GSAP: variants seen among roughly 807,000 people sequenced by gnomAD.
GSAP encodes the protein gamma-secretase activating protein, also known as gamma-secretase-activating protein.
A neutral mutation model predicts 131.7 loss-of-function variants in GSAP; 118 were observed. The ratio of observed to expected loss-of-function variants is 0.90; its 90% CI spans 0.77 to 1.04. The LOEUF (loss-of-function observed/expected upper bound fraction) is 1.04. Ranked by LOEUF, GSAP falls within the 50% of genes least tolerant of loss-of-function variation. GSAP has a pLI of 0.00. For missense variants in GSAP, 1,019 were observed against 1,013.2 expected, an observed-to-expected ratio of 1.01 and a Z score of -0.08; for synonymous variants, 381 against 363.4, an observed-to-expected ratio of 1.05 and a Z score of -0.55.
At chr7:77,357,926 G>C (rs1793994552) in intron 14 of GSAP, among the ~76,000 whole-genome samples, 2 of 152,158 alleles carry the variant, frequency 1.3e-5, no homozygotes, top group Admixed American at 1.3e-4. Context: ...AACTAATACA[G>C]GATATGCTAA....
chr7:77,334,209 G>A (rs934318703), intron 19 of GSAP, among the ~76,000 whole-genome samples: 6 of 152,158 alleles, frequency 3.9e-5, no homozygotes, highest in African/African-American at 1.4e-4. Flanking sequence ...TCAAGAAAAT[G>A]TGGTACATAT....
At chr7:77,390,381 T>A (rs1008014730) in intron 5 of GSAP, among the ~76,000 whole-genome samples, 1 of 152,146 alleles carries the variant, frequency 6.6e-6, no homozygotes, top group African/African-American at 2.4e-5. Flanking sequence ...CTGAATGGTA[T>A]TGCCTAGGTT....
intron 3 of GSAP, among the ~76,000 whole-genome samples, chr7:77,401,126 A>G (rs1034891794): frequency 2.6e-5 from 4 of 152,124 alleles, no homozygotes; most frequent in Non-Finnish European, 5.9e-5. Context: ...TCTTGTAATC[A>G]GAGTCCATAA....
At chr7:77,352,812 T>G (rs879040626) in intron 18 of GSAP, 132 bp downstream of exon 18, 3 of 546,062 alleles carry the variant, frequency 5.5e-6, no homozygotes, top group South Asian at 2.8e-5. Context: ...CAAAAAAAAT[T>G]CAACTGAGTT....
chr7:77,325,983 T>C (rs186039563), intron 23 of GSAP, among the ~76,000 whole-genome samples: 3 of 152,314 alleles, frequency 2.0e-5, no homozygotes, highest in East Asian at 1.9e-4. Context: ...GTAAATTACA[T>C]ATGTATTGGT....
At chr7:77,378,568 T>C (rs1293248830) in intron 8 of GSAP, among the ~76,000 whole-genome samples, 3 of 150,812 alleles carry the variant, frequency 2.0e-5, no homozygotes, top group South Asian at 4.2e-4. Context: ...AAGAGTAAAT[T>C]TGAAATATTT....
intron 14 of GSAP, among the ~76,000 whole-genome samples, chr7:77,357,576 G>A (rs1313234642): frequency 6.6e-6 from 1 of 152,192 alleles, no homozygotes; most frequent in East Asian, 1.9e-4. Context: ...CTGGGAAGAA[G>A]AAGAATTGCC....
At chr7:77,346,095 C>A (rs556979581) in intron 19 of GSAP, among the ~76,000 whole-genome samples, 1 of 151,302 alleles carries the variant, frequency 6.6e-6, no homozygotes, top group Admixed American at 6.6e-5. Flanking sequence ...CATGGTGAAA[C>A]CCCGCCTCTA....
intron 20 of GSAP, 93 bp downstream of exon 20, chr7:77,330,146 C>A: frequency 1.4e-6 from 2 of 1,431,680 alleles, no homozygotes; most frequent in Non-Finnish European, 1.9e-6. Flanking sequence ...AAGAGTGCTG[C>A]ACATGGAAGC....
intron 23 of GSAP, among the ~76,000 whole-genome samples, chr7:77,324,926 C>T (rs1032010715): frequency 2.0e-5 from 3 of 147,762 alleles, no homozygotes; most frequent in Non-Finnish European, 3.0e-5. Flanking sequence ...AAGCGATTCT[C>T]ATGCCTCAGC....
intron 1 of GSAP, among the ~76,000 whole-genome samples, chr7:77,406,725 T>A (rs933100719): frequency 6.6e-6 from 1 of 152,158 alleles, no homozygotes; most frequent in Non-Finnish European, 1.5e-5. Flanking sequence ...AAGGGTCAGG[T>A]GAATCAGCAC....
At chr7:77,367,671 T>C (rs914253727) in intron 12 of GSAP, among the ~76,000 whole-genome samples, 8 of 152,196 alleles carry the variant, frequency 5.3e-5, no homozygotes, top group African/African-American at 1.9e-4. Context: ...CTTTTGTTCT[T>C]ATGTCTCTGA....
At chr7:77,403,796 A>C (rs1198186479) in intron 3 of GSAP, among the ~76,000 whole-genome samples, 1 of 152,210 alleles carries the variant, frequency 6.6e-6, no homozygotes, top group African/African-American at 2.4e-5. Context: ...ACCTCACCTC[A>C]CTTTGTGGTC....
chr7:77,376,775 CAAA>C (rs10649095), intron 10 of GSAP, 70 bp downstream of exon 10: 7,975 of 443,604 alleles, frequency 0.018, no homozygotes, highest in Middle Eastern at 0.022. Context: ...GACTCCATCT[CAAA>C]AAAAAAAAAA....
intron 23 of GSAP, among the ~76,000 whole-genome samples, chr7:77,325,406 T>C (rs185888363): frequency 5.3e-5 from 8 of 152,318 alleles, no homozygotes; most frequent in Non-Finnish European, 8.8e-5. Context: ...AAAAATATCT[T>C]ATTAGGCTTT....
chr7:77,406,098 T>C lies in GSAP; in HGVS notation c.117A>G (p.Leu39=). The change falls in exon 2 of 31, where the codon TTA becomes TTG. Residue 39 remains leucine, a synonymous_variant. Transcript: ENST00000257626. ...SGAGSGGADV[L]ENDYESLHVL... ...CATGTAAGCTCTCATAATCGTTTTC[T>C]AAAACATCTGAAATGATAATAGGAG... 1 of 1,253,632 alleles carries C rather than the reference T, an allele frequency of 8.0e-7. No homozygotes were observed. Among genetic ancestry groups the C allele is most frequent in the Non-Finnish European group, 1.0e-6 (1 of 955,130 alleles). The allele number at this position is 1,253,632 out of a possible 1,614,324, so 77.7% of individuals were successfully genotyped here.
At chr7:77,355,456 A>C in intron 15 of GSAP, 26 bp from the exon 16 acceptor site, 1 of 1,518,234 alleles carries the variant, frequency 6.6e-7, no homozygotes, top group Non-Finnish European at 9.0e-7. Context: ...AAAACAGTAG[A>C]TCAGCAAATA....
chr7:77,322,267 G>GC (rs1787756034), intron 24 of GSAP, among the ~76,000 whole-genome samples: 1 of 152,214 alleles, frequency 6.6e-6, no homozygotes, highest in Non-Finnish European at 1.5e-5. Flanking sequence ...TAGAAAGGAT[G>GC]CCAGCCACTC....
chr7:77,371,532 TC>T (rs1796125673), intron 12 of GSAP, among the ~76,000 whole-genome samples: 1 of 151,546 alleles, frequency 6.6e-6, no homozygotes, highest in Non-Finnish European at 1.5e-5. Flanking sequence ...CCTCTTGGGT[TC>T]AAGCGATTTT....
Sources: allele counts gnomAD v4.1 joint callset (sites outside exome capture counted in the v4.1 genomes callset), GRCh38; gene constraint gnomAD v4.1.1; transcripts MANE v1.5; gene names NCBI Gene and HGNC (gene_info 2026-07-23, HGNC 2026-07-21).